The following RBMS3 variants were observed in gnomAD, a reference collection of about 807,000 sequenced individuals.
The protein encoded by RBMS3 is RNA-binding motif, single-stranded-interacting protein 3.
A neutral mutation model predicts 66.8 loss-of-function variants in RBMS3; 27 were observed. The ratio of observed to expected loss-of-function variants is 0.40; its 90% CI spans 0.30 to 0.56. The LOEUF (loss-of-function observed/expected upper bound fraction) is 0.56. RBMS3 is among the 20% of genes least tolerant of loss of function. The pLI is 0.40. For synonymous variants in RBMS3, 188 were observed against 183.0 expected, an observed-to-expected ratio of 1.03 and a Z score of -0.22; for missense variants, 513 against 549.5, an observed-to-expected ratio of 0.93 and a Z score of 0.66.
At chr3:29,814,295 G>A (rs371648088) in intron 6 of RBMS3, among the ~76,000 whole-genome samples, 40 of 152,180 alleles carry the variant, frequency 2.6e-4, no homozygotes, top group East Asian at 2.5e-3. Flanking sequence ...ATTGATTTGC[G>A]TGTATTGAAC....
At chr3:29,472,160 C>A (rs2042751371) in intron 2 of RBMS3, among the ~76,000 whole-genome samples, 1 of 151,674 alleles carries the variant, frequency 6.6e-6, no homozygotes, top group South Asian at 2.1e-4. Flanking sequence ...ACAGAACATG[C>A]CCAGCATAGG....
chr3:29,538,924 A>C (rs1430393413), intron 3 of RBMS3, among the ~76,000 whole-genome samples: 1 of 152,224 alleles, frequency 6.6e-6, no homozygotes, highest in Non-Finnish European at 1.5e-5. Context: ...AATATATGTA[A>C]AAGAGCTAAG....
intron 3 of RBMS3, among the ~76,000 whole-genome samples, chr3:29,586,436 T>A (rs1430417705): frequency 6.6e-6 from 1 of 152,148 alleles, no homozygotes; most frequent in African/African-American, 2.4e-5. Context: ...CAACATAGTA[T>A]TTCTTATTTT....
chr3:29,899,692 G>A lies in RBMS3; in HGVS notation c.889-13G>A, dbSNP rs762244232. 3.7e-6 allele frequency: 6 copies of A among 1,608,378 alleles called. No individual in the cohort carries two copies. The highest frequency in any genetic ancestry group is 5.1e-6 in the Non-Finnish European group (6 of 1,176,838). On this transcript the variant is annotated splice_polypyrimidine_tract_variant and intron_variant, in intron 9 of 14. Coordinates refer to ENST00000383767, the MANE Select transcript of RBMS3 (RefSeq NM_001003793.3). ...TGATTGCTTTGTGCTAATAAATGCT[G>A]TTTGATGCATAGGTCCAGAGTACTT...
intron 1 of RBMS3, among the ~76,000 whole-genome samples, chr3:29,335,861 T>C (rs2035918101): frequency 6.6e-6 from 1 of 152,130 alleles, no homozygotes; most frequent in African/African-American, 2.4e-5. Context: ...AATTCCTCAC[T>C]TCCTGCCTCC....
At chr3:29,524,602 A>ATT (rs1273815210) in intron 3 of RBMS3, among the ~76,000 whole-genome samples, 5 of 148,608 alleles carry the variant, frequency 3.4e-5, no homozygotes, top group Admixed American at 6.7e-5. Context: ...CAACTTTTGC[A>ATT]TTTTATTTAT....
At chr3:29,861,713 C>T (rs1314800566) in intron 6 of RBMS3, among the ~76,000 whole-genome samples, 2 of 152,150 alleles carry the variant, frequency 1.3e-5, no homozygotes, top group African/African-American at 4.8e-5. Context: ...ACACCAAATC[C>T]TATAAGCCAT....
intron 4 of RBMS3, among the ~76,000 whole-genome samples, chr3:29,708,109 C>A (rs576970151): frequency 6.6e-6 from 1 of 152,108 alleles, no homozygotes; most frequent in African/African-American, 2.4e-5. Context: ...TGATTGACAG[C>A]GATATATGCT....
chr3:29,393,432 A>G (rs2039400114), intron 1 of RBMS3, among the ~76,000 whole-genome samples: 1 of 148,540 alleles, frequency 6.7e-6, no homozygotes, highest in Non-Finnish European at 1.5e-5. Context: ...AATTGTATGC[A>G]CACACACACA....
At chr3:29,374,004 G>C (rs2038340904) in intron 1 of RBMS3, among the ~76,000 whole-genome samples, 1 of 152,212 alleles carries the variant, frequency 6.6e-6, no homozygotes, top group Admixed American at 6.5e-5. Context: ...CTGGGGCAAA[G>C]AAACCCAGAA....
At chr3:29,799,171 G>T (rs988791964) in intron 6 of RBMS3, among the ~76,000 whole-genome samples, 3 of 152,052 alleles carry the variant, frequency 2.0e-5, no homozygotes, top group African/African-American at 7.2e-5. Context: ...AAGCTACAAG[G>T]TAAGAGGGCC....
intron 3 of RBMS3, among the ~76,000 whole-genome samples, chr3:29,551,552 G>A (rs527476315): frequency 5.3e-5 from 8 of 152,218 alleles, no homozygotes; most frequent in South Asian, 2.1e-4. Context: ...AATCAGTCTC[G>A]ATTGTATGTA....
chr3:29,428,216 C>T (rs991075086), intron 1 of RBMS3, among the ~76,000 whole-genome samples: 2 of 151,886 alleles, frequency 1.3e-5, no homozygotes, highest in Non-Finnish European at 2.9e-5. Flanking sequence ...GAAGAGATTT[C>T]CCAACCCTAC....
intron 4 of RBMS3, among the ~76,000 whole-genome samples, chr3:29,693,766 A>G (rs9871346): frequency 0.017 from 2,638 of 152,264 alleles, 65 homozygotes; most frequent in African/African-American, 0.056. Flanking sequence ...TGATAATTTC[A>G]ATGATTTGAT....
chr3:29,294,608 G>T (rs1227942546), intron 1 of RBMS3, among the ~76,000 whole-genome samples: 1 of 151,722 alleles, frequency 6.6e-6, no homozygotes. Flanking sequence ...AATGGTAGTG[G>T]TGGTGGTCTG....
intron 3 of RBMS3, among the ~76,000 whole-genome samples, chr3:29,515,511 T>C (rs2044586790): frequency 6.6e-6 from 1 of 152,170 alleles, no homozygotes; most frequent in Non-Finnish European, 1.5e-5. Flanking sequence ...GAATTTGGAA[T>C]GACAAAGAAG....
chr3:29,598,859 A>T (rs977928845), intron 4 of RBMS3, among the ~76,000 whole-genome samples: 1 of 152,026 alleles, frequency 6.6e-6, no homozygotes, highest in Admixed American at 6.6e-5. Flanking sequence ...AGGAACAAAA[A>T]CCTACAAGGA....
chr3:29,557,408 A>G (rs1482045111), intron 3 of RBMS3, among the ~76,000 whole-genome samples: 7 of 152,192 alleles, frequency 4.6e-5, no homozygotes, highest in Non-Finnish European at 8.8e-5. Flanking sequence ...AAGGAGTGCA[A>G]TTCCAAGATG....
In RBMS3 at chr3:29,325,307, G is replaced by C. The variant is rs577650466; in HGVS notation, c.75+43551G>C. On this transcript the variant is annotated intron_variant, in intron 1 of 14. Coordinates refer to ENST00000383767, the MANE Select transcript of RBMS3 (RefSeq NM_001003793.3). ...AGTAAACACCAAAAAATTTGTGTAGGAAACTATTCCTGGGTGTCAAGGATA... is the reference window on the plus strand; with the variant it reads ...AGTAAACACCAAAAAATTTGTGTAGCAAACTATTCCTGGGTGTCAAGGATA... Among the ~76,000 whole-genome samples, 30 of 152,196 alleles carry C rather than the reference G, an allele frequency of 2.0e-4. 1 individual carries two copies. The South Asian group carries it at 3.1e-3, about 16-fold the overall frequency.
Sources: allele counts gnomAD v4.1 joint callset (sites outside exome capture counted in the v4.1 genomes callset), GRCh38; gene constraint gnomAD v4.1.1; transcripts MANE v1.5; gene names NCBI Gene and HGNC (gene_info 2026-07-23, HGNC 2026-07-21).